SOX5: variants seen among roughly 807,000 people sequenced by gnomAD.
SOX5 encodes the protein transcription factor SOX-5.
In SOX5, 9 loss-of-function variants were observed where a neutral mutation model predicts 92.0. That is an observed-to-expected ratio of 0.10 (90% CI 0.06 to 0.17). The LOEUF is 0.17. Among genes scored for constraint, SOX5 ranks in the 10% least tolerant of loss-of-function variants. The probability of loss-of-function intolerance (pLI) is 1.00; values close to 1 mark genes in which losing one functional copy is unlikely to be tolerated. For missense variants in SOX5, 642 were observed against 944.5 expected, an observed-to-expected ratio of 0.68 and a Z score of 4.20; for synonymous variants, 344 against 336.3, an observed-to-expected ratio of 1.02 and a Z score of -0.25.
chr12:24,288,185 A>T (rs1365803099), intron 2 of SOX5, among the ~76,000 whole-genome samples: 2 of 152,038 alleles, frequency 1.3e-5, no homozygotes, highest in African/African-American at 4.8e-5. Context: ...GACTTGGAGG[A>T]TGCTACTGGC....
At chr12:24,293,150 G>C (rs931404987) in intron 2 of SOX5, among the ~76,000 whole-genome samples, 7 of 152,276 alleles carry the variant, frequency 4.6e-5, no homozygotes, top group African/African-American at 1.2e-4. Context: ...TCCTTTACCT[G>C]ATTCCTCCAA....
chr12:24,177,353 T>C (rs918944189), intron 4 of SOX5, among the ~76,000 whole-genome samples: 1 of 152,162 alleles, frequency 6.6e-6, no homozygotes, highest in Non-Finnish European at 1.5e-5. Flanking sequence ...TTTCTATGTC[T>C]CATCTAGAAA....
intron 2 of SOX5, among the ~76,000 whole-genome samples, chr12:24,325,417 G>C (rs1950583978): frequency 6.6e-6 from 1 of 152,044 alleles, no homozygotes; most frequent in Non-Finnish European, 1.5e-5. Flanking sequence ...AGACATCTCA[G>C]ATAGTTGCAT....
chr12:24,045,432 G>T (rs1956899889), intron 4 of SOX5, among the ~76,000 whole-genome samples: 1 of 152,062 alleles, frequency 6.6e-6, no homozygotes, highest in Non-Finnish European at 1.5e-5. Context: ...CGAGTAGCTG[G>T]GACTACAGGT....
At chr12:23,807,304 C>T (rs182504702) in intron 3 of SOX5, among the ~76,000 whole-genome samples, 81 of 152,260 alleles carry the variant, frequency 5.3e-4, no homozygotes, top group African/African-American at 1.9e-3. Flanking sequence ...TGTAACCTTA[C>T]TTGGGACACT....
At chr12:24,356,428 T>G (rs1233710969) in intron 2 of SOX5, among the ~76,000 whole-genome samples, 1 of 152,150 alleles carries the variant, frequency 6.6e-6, no homozygotes, top group Non-Finnish European at 1.5e-5. Context: ...TTTGTTTCTC[T>G]CTGTTCCTCC....
intron 9 of SOX5, among the ~76,000 whole-genome samples, chr12:23,589,643 G>T (rs542246125): frequency 2.6e-5 from 4 of 151,966 alleles, no homozygotes; most frequent in African/African-American, 9.6e-5. Flanking sequence ...GTGGTCAAAG[G>T]CTCATATTTC....
intron 6 of SOX5, among the ~76,000 whole-genome samples, chr12:23,726,219 A>C (rs2140719135): frequency 6.6e-6 from 1 of 150,722 alleles, no homozygotes; most frequent in South Asian, 2.1e-4. Flanking sequence ...ATTTACTAGC[A>C]AAAGCTCAAA....
intron 2 of SOX5, among the ~76,000 whole-genome samples, chr12:24,289,647 G>A (rs1946384193): frequency 1.5e-5 from 2 of 131,888 alleles, no homozygotes; most frequent in Non-Finnish European, 3.1e-5. Context: ...AGTAGAGACG[G>A]GGTTTCACCG....
chr12:24,286,868 T>C (rs1470253799), intron 2 of SOX5, among the ~76,000 whole-genome samples: 2 of 152,262 alleles, frequency 1.3e-5, no homozygotes, highest in African/African-American at 4.8e-5. Flanking sequence ...CCAAGTGATC[T>C]TGGACACAAT....
intron 2 of SOX5, among the ~76,000 whole-genome samples, chr12:24,336,067 G>C (rs960660470): frequency 7.1e-6 from 1 of 140,908 alleles, no homozygotes; most frequent in African/African-American, 2.6e-5. Context: ...TAAAATATGG[G>C]GATACGTTTT....
chr12:24,282,204 G>A (rs922365243), intron 2 of SOX5, among the ~76,000 whole-genome samples: 5 of 151,902 alleles, frequency 3.3e-5, no homozygotes, highest in Non-Finnish European at 7.4e-5. Context: ...GGATAAACGA[G>A]GAATATATAA....
chr12:24,124,677 G>A (rs190833775), intron 4 of SOX5, among the ~76,000 whole-genome samples: 24 of 152,168 alleles, frequency 1.6e-4, no homozygotes, highest in Non-Finnish European at 2.5e-4. Context: ...AAGAATTAGA[G>A]TCCAGTAAGC....
chr12:24,422,783 G>T (rs1401788832), intron 1 of SOX5, among the ~76,000 whole-genome samples: 1 of 152,188 alleles, frequency 6.6e-6, no homozygotes, highest in East Asian at 1.9e-4. Context: ...GGCCAAGGAG[G>T]GAAGATTGCT....
At chr12:24,251,256 T>C (rs1352176099) in intron 3 of SOX5, among the ~76,000 whole-genome samples, 1 of 151,164 alleles carries the variant, frequency 6.6e-6, no homozygotes, top group Non-Finnish European at 1.5e-5. Flanking sequence ...ATTTATAGAC[T>C]TGATCCAATT....
At chr12:23,860,488 G>A (rs1231050250) in intron 2 of SOX5, among the ~76,000 whole-genome samples, 2 of 152,094 alleles carry the variant, frequency 1.3e-5, no homozygotes, top group Non-Finnish European at 2.9e-5. Flanking sequence ...AGCAAACAGA[G>A]ATAATGTTTT....
At chr12:23,937,912 T>C (rs752631436) in intron 1 of SOX5, among the ~76,000 whole-genome samples, 6 of 150,882 alleles carry the variant, frequency 4.0e-5, no homozygotes, top group South Asian at 2.1e-4. Flanking sequence ...ATAATGCCTA[T>C]AGTCACAAAC....
At chr12:24,069,905 G>A (rs1052414855) in intron 4 of SOX5, among the ~76,000 whole-genome samples, 1 of 152,100 alleles carries the variant, frequency 6.6e-6, no homozygotes, top group Non-Finnish European at 1.5e-5. Context: ...CTACACAAAT[G>A]GGGAATTCAT....
intron 1 of SOX5, among the ~76,000 whole-genome samples, chr12:24,542,270 T>C (rs1952204294): frequency 1.3e-5 from 2 of 152,314 alleles, no homozygotes; most frequent in Non-Finnish European, 2.9e-5. Flanking sequence ...TTCTCTATGC[T>C]TACTCACCCA....
Sources: gnomAD v4.1 joint callset for allele counts (sites outside exome capture counted in the v4.1 genomes callset) on GRCh38, gnomAD v4.1.1 for gene constraint, MANE v1.5 for transcripts, NCBI Gene and HGNC (gene_info 2026-07-23, HGNC 2026-07-21) for gene names.